The following PLCB2 variants were observed in gnomAD, a reference collection of about 807,000 sequenced individuals.
PLCB2 encodes 1-phosphatidylinositol 4,5-bisphosphate phosphodiesterase beta-2.
A neutral mutation model predicts 141.7 loss-of-function variants in PLCB2; 115 were observed. The observed-to-expected ratio is 0.81, with a 90% CI of 0.70 to 0.95. PLCB2 has a LOEUF of 0.95. PLCB2 is among the 40% of genes least tolerant of loss of function. The probability of loss-of-function intolerance (pLI) is 0.00; values close to 1 mark genes in which losing one functional copy is unlikely to be tolerated. For synonymous variants in PLCB2, 603 were observed against 595.6 expected (o/e 1.01, Z -0.18); for missense variants, 1,403 against 1,541.1 (o/e 0.91, Z 1.50).
At chr15:40,301,039 A>T (rs764459104) in intron 7 of PLCB2, 1 of 155,526 alleles carries the variant, frequency 6.4e-6, no homozygotes, top group Non-Finnish European at 1.4e-5. Flanking sequence ...GACCACAGGT[A>T]AGTGTTGCTG....
Position 40,300,781 on chromosome 15 carries a change from C to G in PLCB2, c.582+1176G>C, listed in dbSNP as rs61512112. On this transcript the variant is annotated intron_variant, in intron 7 of 31. Transcript: ENST00000260402. ...TGCACCTTTGCATTCCTTCCCCCCC[C>G]AAAAAAAACATTAAATGTCTTTCAG... is the stretch of plus-strand genomic sequence containing the variant. 6,113 of 151,922 alleles carry G rather than the reference C, an allele frequency of 0.04. 1,111 individuals carry two copies. In the East Asian group the frequency reaches 0.62, roughly 15 times the overall value. The allele number at this position is 151,922 out of a possible 1,614,324, so 9.4% of individuals were successfully genotyped here.
chr15:40,292,888 C>A (rs780973440), intron 21 of PLCB2, 38 bp downstream of exon 21: 2 of 1,367,980 alleles, frequency 1.5e-6, no homozygotes, highest in Non-Finnish European at 2.0e-6. Context: ...CAGGCTCCTG[C>A]TGCTGATCTT....
At position 40,294,332 on chromosome 15, in the gene PLCB2, G is replaced by C; in HGVS notation, c.1995C>G (p.Asp665Glu). The C allele has an allele frequency of 6.2e-7, 1 of 1,614,134 alleles. No homozygotes were observed. The highest frequency in any genetic ancestry group is 1.7e-5 in the Admixed American group (1 of 60,024). The change falls in exon 19 of 32, where the codon GAC becomes GAG. Residue 665 changes from aspartate (D) to glutamate (E), a missense_variant. Asp to Glu is a conservative substitution (Grantham distance 45). Coordinates refer to ENST00000260402, the MANE Select transcript of PLCB2 (RefSeq NM_004573.3). ...CCACTGAGAAGGGGTTGAACTGCTTGTCCGGCCGGCGCATGAACTCATGCT... is the reference window on the plus strand; with the variant it reads ...CCACTGAGAAGGGGTTGAACTGCTTCTCCGGCCGGCGCATGAACTCATGCT... ...LLKHEFMRRP[D>E]KQFNPFSVDR...
At chr15:40,287,325 A>G (rs1352944889), downstream of PLCB2, among the ~76,000 whole-genome samples, 10 of 152,144 alleles carry the variant, frequency 6.6e-5, no homozygotes. Flanking sequence ...TACTTTCCAA[A>G]GGAACAGGTG....
chr15:40,305,096 A>G (rs2040725266), intron 1 of PLCB2, among the ~76,000 whole-genome samples: 1 of 151,960 alleles, frequency 6.6e-6, no homozygotes, highest in African/African-American at 2.4e-5. Flanking sequence ...TACCTCCCCA[A>G]GGGAGAGTTG....
Position 40,292,963 on chromosome 15 carries a change from A to C in PLCB2, c.2289T>G (p.Leu763=). The C allele has an allele frequency of 6.2e-7, 1 of 1,607,994 alleles. No individual in the cohort carries two copies. Among genetic ancestry groups the C allele is most frequent in the Non-Finnish European group, 8.5e-7 (1 of 1,176,932 alleles). ...VAVMEEGNKF[L]GHRIIPINAL... ...CATTGATGGGGATGATGCGGTGTCC[A>C]AGAAACTTGTTGCCTTCCTCCATCA... Residue 763 remains leucine (L), a synonymous_variant, in exon 21 of 32, where the codon CTT becomes CTG. Coordinates refer to ENST00000260402, the MANE Select transcript of PLCB2 (RefSeq NM_004573.3).
Position 40,302,518 on chromosome 15 carries a change from A to G in PLCB2, c.323T>C (p.Val108Ala). 1 of 1,614,166 alleles carries G rather than the reference A, an allele frequency of 6.2e-7. No homozygotes were observed. The highest frequency in any genetic ancestry group is 8.5e-7 in the Non-Finnish European group (1 of 1,180,012). Residue 108 changes from valine (V) to alanine (A), a missense_variant, in exon 4 of 32, where the codon GTG (valine) becomes GCG (alanine). Val to Ala is a moderately conservative substitution (Grantham distance 64). This residue lies in a region of PLCB2 where 975 missense variants were observed against 1,141.1 expected (regional missense o/e 0.85). Transcript: ENST00000260402. ...GACGAAGTTGTGGAAGGTGAGGTCCACCATGTCCGGGCCGGACACCACCGT... is the reference window on the plus strand; with the variant it reads ...GACGAAGTTGTGGAAGGTGAGGTCCGCCATGTCCGGGCCGGACACCACCGT... Reference protein sequence around the residue: ...TLTVVSGPDMVDLTFHNFVSY... With the variant: ...TLTVVSGPDMADLTFHNFVSY...
chr15:40,297,454 C>G lies in PLCB2; in HGVS notation c.1323+67G>C. The G allele has an allele frequency of 1.6e-6, 2 of 1,224,908 alleles. No individual in the cohort carries two copies. The highest frequency in any genetic ancestry group is 2.4e-6 in the Non-Finnish European group (2 of 825,250). The allele number at this position is 1,224,908 out of a possible 1,614,324, so 75.9% of individuals were successfully genotyped here. On this transcript the variant is annotated intron_variant, in intron 13 of 31. Transcript: ENST00000260402. This position sits in a 1 kb window ranked among gnomAD's most constrained non-coding sequence, Gnocchi z 4.2. The stretch of plus-strand genomic sequence containing the variant: ...CTCTGGGAGTGTCTCCCTCCCTAAC[C>G]TGGTTCTCACCCTGCCCCAGGTTCC...
chr15:40,287,213 G>A (rs1159811364), downstream of PLCB2, among the ~76,000 whole-genome samples: 1 of 152,154 alleles, frequency 6.6e-6, no homozygotes, highest in East Asian at 1.9e-4. Flanking sequence ...CCCAGTAAAT[G>A]ATCAGCCCCC....
In PLCB2 at chr15:40,290,016, C is replaced by A. The variant is rs1376150539; in HGVS notation, c.3267+9G>T. On this transcript the variant is annotated intron_variant, in intron 30 of 31. Transcript: ENST00000260402. ...GTGTGTGTTTAGGAAGGACACAGCC[C>A]TTACACACCTGCTTGATCACCTGCA... The A allele has an allele frequency of 1.3e-6, 2 of 1,500,542 alleles. No individual in the cohort carries two copies. The highest frequency in any genetic ancestry group is 1.7e-4 in the Middle Eastern group (1 of 5,872). The allele number at this position is 1,500,542 out of a possible 1,614,324, so 93.0% of individuals were successfully genotyped here.
In PLCB2 at chr15:40,298,868, C is replaced by G. The variant is rs765963870; in HGVS notation, c.780G>C (p.Pro260=). ...CCTGCACCTGGTCAGGCCGTGCTGG[C>G]GGGAACAGCAGGGAGTTAAGCCGGG... The part of the protein sequence containing the change: ...RDSRLNSLLF[P]PARPDQVQGL... The change falls in exon 9 of 32, where the codon CCG becomes CCC. Residue 260 remains proline (P), a synonymous_variant. Transcript: ENST00000260402. 5 of 1,613,154 alleles carry G rather than the reference C, an allele frequency of 3.1e-6. No homozygotes were observed. The highest frequency in any genetic ancestry group is 1.7e-4 in the Middle Eastern group (1 of 6,060).
downstream of PLCB2, among the ~76,000 whole-genome samples, chr15:40,287,348 G>A (rs1295802548): frequency 1.3e-5 from 2 of 152,134 alleles, no homozygotes; most frequent in Non-Finnish European, 2.9e-5. Flanking sequence ...CACAGCTAAC[G>A]GCATGTGCTG....
At chr15:40,300,946 A>T (rs1283522828) in intron 7 of PLCB2, 1 of 152,746 alleles carries the variant, frequency 6.5e-6, no homozygotes, top group African/African-American at 2.4e-5. Context: ...CTCTACTGAG[A>T]CACAAGGAAA....
intron 8 of PLCB2, 34 bp downstream of exon 8, chr15:40,299,093 CT>C: frequency 1.3e-6 from 2 of 1,581,678 alleles, no homozygotes; most frequent in Non-Finnish European, 1.7e-6. Flanking sequence ...AGCCACCACC[CT>C]TTTCCCATGA....
intron 2 of PLCB2, 195 bp downstream of exon 2, chr15:40,303,806 A>G (rs930132769): frequency 3.6e-6 from 2 of 557,862 alleles, no homozygotes; most frequent in African/African-American, 3.8e-5. Context: ...ACATTTGGGT[A>G]GCCACAGGTT....
intron 1 of PLCB2, among the ~76,000 whole-genome samples, chr15:40,305,808 T>C (rs1021554708): frequency 4.6e-5 from 7 of 152,178 alleles, no homozygotes; most frequent in African/African-American, 1.7e-4. Flanking sequence ...GTTACCCCTT[T>C]CCCACCTCCC....
At chr15:40,295,739 C>A (rs976354926) in intron 16 of PLCB2, among the ~76,000 whole-genome samples, 7 of 152,122 alleles carry the variant, frequency 4.6e-5, no homozygotes, top group African/African-American at 1.7e-4. Context: ...GGTGGGGATG[C>A]AGGCTGTGGG....
downstream of PLCB2, among the ~76,000 whole-genome samples, chr15:40,287,399 C>G (rs2039629495): frequency 6.6e-6 from 1 of 152,134 alleles, no homozygotes; most frequent in Admixed American, 6.5e-5. Flanking sequence ...GAATCAATCC[C>G]CCTCTGCCTC....
At position 40,302,615 on chromosome 15, in the gene PLCB2, G is replaced by C. The variant is rs1327587288; in HGVS notation, c.232-6C>G. The C allele has an allele frequency of 1.2e-6, 2 of 1,614,032 alleles. No individual in the cohort carries two copies. Among genetic ancestry groups the C allele is most frequent in the Non-Finnish European group, 1.7e-6 (2 of 1,179,916 alleles). On this transcript the variant is annotated splice_region_variant and splice_polypyrimidine_tract_variant and intron_variant, in intron 3 of 31. Coordinates refer to ENST00000260402, the MANE Select transcript of PLCB2 (RefSeq NM_004573.3). Reference sequence around the variant, plus strand: ...ACGTCCCGGAGCTTCTGGCTCTGCAGCACGTGGTGGTATGGTTAGGATGGA... The same window carrying C: ...ACGTCCCGGAGCTTCTGGCTCTGCACCACGTGGTGGTATGGTTAGGATGGA...
Sources: allele counts gnomAD v4.1 joint callset (sites outside exome capture counted in the v4.1 genomes callset), GRCh38; gene constraint gnomAD v4.1.1; regional missense constraint gnomAD v4.1.1; non-coding constraint Gnocchi (gnomAD v3.1); transcripts MANE v1.5; gene names NCBI Gene and HGNC (gene_info 2026-07-23, HGNC 2026-07-21).